Variants in ZGRF1 observed in about 807,000 individuals in gnomAD.
ZGRF1 encodes the protein 5'-3' DNA helicase ZGRF1.
ZGRF1 carries 196 observed loss-of-function variants against 203.5 expected under a neutral mutation model. That is an observed-to-expected ratio of 0.96 (90% confidence interval 0.86 to 1.08). The LOEUF is 1.08. Among genes scored for constraint, ZGRF1 ranks in the 50% least tolerant of loss-of-function variants. The pLI is 0.00. For synonymous variants in ZGRF1, 809 were observed against 841.3 expected (o/e 0.96, Z 0.66); for missense variants, 2,326 against 2,416.3 (o/e 0.96, Z 0.78).
chr4:112,571,750 C>T (rs1744256134), intron 16 of ZGRF1, among the ~76,000 whole-genome samples: 2 of 152,092 alleles, frequency 1.3e-5, no homozygotes, highest in South Asian at 4.1e-4. Flanking sequence ...CAATTAAGAT[C>T]CCAACAAGTT....
chr4:112,634,975 C>A (rs951909299), intron 1 of ZGRF1, among the ~76,000 whole-genome samples: 1 of 151,786 alleles, frequency 6.6e-6, no homozygotes, highest in African/African-American at 2.4e-5. Context: ...ACTAAAAATA[C>A]AAAAATTAGC....
At chr4:112,561,911 C>CT (rs11385405) in intron 18 of ZGRF1, among the ~76,000 whole-genome samples, 12,899 of 108,160 alleles carry the variant, frequency 0.12, 1,119 homozygotes, top group African/African-American at 0.17. Context: ...TTCCTTTTCT[C>CT]TTTTTTTTTT....
chr4:112,541,065 A>G, intron 25 of ZGRF1, 27 bp downstream of exon 25: 1 of 1,556,636 alleles, frequency 6.4e-7, no homozygotes, highest in Non-Finnish European at 8.7e-7. Context: ...AACCATGTTG[A>G]CTCTCATCAA....
rs2047338502 is a variant in ZGRF1, at chr4:112,629,465, G to GT, written c.102+2464dup. Among the ~76,000 whole-genome samples the GT allele has an allele frequency of 2.6e-5, 4 of 152,284 alleles. No homozygotes were observed. The East Asian group carries it at 7.7e-4, about 29-fold the overall frequency. On this transcript the variant is annotated intron_variant, in intron 3 of 27. Coordinates refer to ENST00000505019, the MANE Select transcript of ZGRF1 (RefSeq NM_018392.5). Reference sequence around the variant, plus strand: ...GCAGGCAGACGGCTTGAGCTCAGGAGTTTGAGACCAGCCTGGCCAACATGG... The same window carrying GT: ...GCAGGCAGACGGCTTGAGCTCAGGAGTTTTGAGACCAGCCTGGCCAACATGG...
intron 6 of ZGRF1, among the ~76,000 whole-genome samples, chr4:112,613,606 G>A (rs534101399): frequency 1.3e-5 from 2 of 152,276 alleles, no homozygotes; most frequent in East Asian, 1.9e-4. Context: ...TTTCTCATGG[G>A]AAGTAACATT....
intron 16 of ZGRF1, among the ~76,000 whole-genome samples, chr4:112,567,160 G>A (rs1315440878): frequency 1.3e-5 from 2 of 152,138 alleles, no homozygotes; most frequent in Non-Finnish European, 2.9e-5. Context: ...TCTGCAGGTA[G>A]TTGTGGTTTT....
Position 112,612,489 on chromosome 4 carries a change from T to TA in ZGRF1, c.2667+34dup, listed in dbSNP as rs559979863. 7.9e-4 allele frequency: 1,063 copies of TA among 1,350,706 alleles called. 1 individual carries two copies. Among genetic ancestry groups the TA allele is most frequent in the Non-Finnish European group, 1.0e-3 (985 of 957,894 alleles). 83.7% of individuals were successfully genotyped at this position (1,350,706 alleles called of 1,614,324 possible). On this transcript the variant is annotated intron_variant, in intron 7 of 27. Transcript: ENST00000505019. ...AAATTATAGAACATTCTTATCAAAA[T>TA]AAAAAAAACATACTCTTAGAAAAAA...
intron 14 of ZGRF1, 144 bp from the exon 15 acceptor site, chr4:112,584,318 C>A (rs940093869): frequency 2.4e-6 from 1 of 410,564 alleles, no homozygotes; most frequent in Non-Finnish European, 4.3e-6. Context: ...TTAACTTTAT[C>A]ATTAATTTAA....
At chr4:112,625,480 G>T (rs2047207001) in intron 3 of ZGRF1, among the ~76,000 whole-genome samples, 1 of 151,446 alleles carries the variant, frequency 6.6e-6, no homozygotes, top group Non-Finnish European at 1.5e-5. Flanking sequence ...AGCTATTCGG[G>T]AGGCTGAGGC....
intron 6 of ZGRF1, 46 bp downstream of exon 6, chr4:112,617,394 A>T: frequency 1.5e-6 from 2 of 1,345,046 alleles, no homozygotes; most frequent in Non-Finnish European, 1.0e-6. Flanking sequence ...TTTATAGCTC[A>T]AAGACCTATA....
Position 112,624,594 on chromosome 4 carries a change from T to C in ZGRF1, c.103-718A>G, listed in dbSNP as rs113701426. On this transcript the variant is annotated intron_variant, in intron 3 of 27. Coordinates refer to ENST00000505019, the MANE Select transcript of ZGRF1 (RefSeq NM_018392.5). Reference sequence around the variant, plus strand: ...AGGAGATGATTAGCACTTAAGATATTGACATTTGGGAGGATAAGATAATTA... The same window carrying C: ...AGGAGATGATTAGCACTTAAGATATCGACATTTGGGAGGATAAGATAATTA... 5.2e-3 allele frequency among the ~76,000 whole-genome samples: 795 copies of C among 152,192 alleles called. 6 individuals carry two copies. Among genetic ancestry groups the C allele is most frequent in the African/African-American group, 0.018 (752 of 41,532 alleles).
chr4:112,581,673 A>C lies in ZGRF1; in HGVS notation c.4428T>G (p.Ala1476=). Residue 1476 remains alanine (A), a synonymous_variant, in exon 16 of 28, where the codon GCT becomes GCG. Transcript: ENST00000505019. ...LKLSRKERSS[A]YSKNDLWVVS... is the part of the protein sequence containing the mutation. The stretch of plus-strand genomic sequence containing the variant: ...ATCAGATCAACTTACTTTTGCTATA[A>C]GCTGAAGATCTTTCCTTCCGACTTA... 6.3e-7 allele frequency: 1 copy of C among 1,578,178 alleles called. No homozygotes were observed. Among genetic ancestry groups the C allele is most frequent in the Non-Finnish European group, 8.6e-7 (1 of 1,167,370 alleles).
rs1379457805 is a variant in ZGRF1, at chr4:112,609,411, C to A, written c.2686G>T (p.Val896Phe). 1 of 1,557,786 alleles carries A rather than the reference C, an allele frequency of 6.4e-7. No homozygotes were observed. Among genetic ancestry groups the A allele is most frequent in the Non-Finnish European group, 8.8e-7 (1 of 1,138,706 alleles). ...GACTGAAGTGGTTCACTTAGTTCAA[C>A]TTCATCTTCTTTTAGTATCTTAGGA... ...DSQQILKEDE[V>F]ELSEPLQSVQ... The change falls in exon 8 of 28, where the codon GTT becomes TTT. Residue 896 changes from valine to phenylalanine, a missense_variant. Physicochemically the swap from Val to Phe is conservative, Grantham distance 50 (BLOSUM62 -1). Coordinates refer to ENST00000505019, the MANE Select transcript of ZGRF1 (RefSeq NM_018392.5).
chr4:112,575,290 G>T (rs1204046652), intron 16 of ZGRF1, among the ~76,000 whole-genome samples: 4 of 152,072 alleles, frequency 2.6e-5, no homozygotes, highest in African/African-American at 7.2e-5. Flanking sequence ...CCTAACATTT[G>T]GGGGGAAGAG....
At position 112,603,599 on chromosome 4, in the gene ZGRF1, A is replaced by G. The variant is rs992113331; in HGVS notation, c.2901T>C (p.Asp967=). Residue 967 remains aspartate, a synonymous_variant, in exon 10 of 28, where the codon GAT becomes GAC. Transcript: ENST00000505019. ...TCATAAAGTTTTCATACTCAGTGCT[A>G]TCTGGAAACTGACTGCATCCTAGCT... The part of the protein sequence containing the change: ...SSQLGCSQFP[D]STEYENFMTE... 2 of 1,613,578 alleles carry G rather than the reference A, an allele frequency of 1.2e-6. No homozygotes were observed. The highest frequency in any genetic ancestry group is 1.7e-4 in the Middle Eastern group (1 of 6,058).
At chr4:112,610,768 T>C (rs1174515551) in intron 7 of ZGRF1, 1 of 154,794 alleles carries the variant, frequency 6.5e-6, no homozygotes, top group African/African-American at 2.4e-5. Context: ...ATTATTTAAA[T>C]GACCAAAACA....
chr4:112,573,259 G>A (rs927208513), intron 16 of ZGRF1, among the ~76,000 whole-genome samples: 3 of 151,754 alleles, frequency 2.0e-5, no homozygotes, highest in African/African-American at 7.3e-5. Flanking sequence ...CAACAACCTG[G>A]ATGGAACTGG....
At chr4:112,602,433 T>A (rs866039921) in intron 10 of ZGRF1, among the ~76,000 whole-genome samples, 1 of 152,182 alleles carries the variant, frequency 6.6e-6, no homozygotes, top group African/African-American at 2.4e-5. Flanking sequence ...ACACTCCTAA[T>A]GGAAATGTAA....
chr4:112,539,960 A>G lies in ZGRF1; in HGVS notation c.6075T>C (p.Val2025=). 6.2e-7 allele frequency: 1 copy of G among 1,613,884 alleles called. No homozygotes were observed. ...AATGCCTCTTTCCTCTAGTCAATGC[A>G]ACATTCATTCTTTTTTCTGAATCAA... The part of the protein sequence containing the change: ...GFIDSEKRMN[V]ALTRGKRHLL... Residue 2025 remains valine (V), a synonymous_variant, in exon 27 of 28, where the codon GTT becomes GTC. Transcript: ENST00000505019.
Sources: gnomAD v4.1 joint callset for allele counts (sites outside exome capture counted in the v4.1 genomes callset) on GRCh38, gnomAD v4.1.1 for gene constraint, MANE v1.5 for transcripts, NCBI Gene and HGNC (gene_info 2026-07-23, HGNC 2026-07-21) for gene names.